The following GSK3B variants were observed in gnomAD, a reference collection of about 807,000 sequenced individuals.
The protein encoded by GSK3B is glycogen synthase kinase 3 beta, also known as glycogen synthase kinase-3 beta.
GSK3B carries 15 observed loss-of-function variants against 56.4 expected under a neutral mutation model. That is an observed-to-expected ratio of 0.27 (90% confidence interval 0.18 to 0.41). GSK3B has a LOEUF of 0.41. GSK3B is among the 10% of genes least tolerant of loss of function. The pLI, the probability that GSK3B is intolerant of heterozygous loss-of-function variation, is 1.00. For synonymous variants in GSK3B, 181 were observed against 188.9 expected, an observed-to-expected ratio of 0.96 and a Z score of 0.34; for missense variants, 300 against 513.4, an observed-to-expected ratio of 0.58 and a Z score of 4.02.
intron 1 of GSK3B, among the ~76,000 whole-genome samples, chr3:120,003,745 A>G (rs2057699370): frequency 6.6e-6 from 1 of 152,264 alleles, no homozygotes; most frequent in South Asian, 2.1e-4. Flanking sequence ...ACCAATTAAC[A>G]CTTTCATTTG....
At chr3:120,064,364 A>G (rs150466972) in intron 1 of GSK3B, among the ~76,000 whole-genome samples, 1 of 152,122 alleles carries the variant, frequency 6.6e-6, no homozygotes, top group Admixed American at 6.5e-5. Context: ...ATTTTTATAC[A>G]CTAACAATAA....
At chr3:119,854,575 T>C (rs2055990000) in intron 9 of GSK3B, among the ~76,000 whole-genome samples, 1 of 152,236 alleles carries the variant, frequency 6.6e-6, no homozygotes, top group Non-Finnish European at 1.5e-5. Context: ...GGGAGGCTAT[T>C]AATTATTGCC....
At chr3:120,007,917 G>C (rs886665976) in intron 1 of GSK3B, among the ~76,000 whole-genome samples, 1 of 152,154 alleles carries the variant, frequency 6.6e-6, no homozygotes, top group African/African-American at 2.4e-5. Flanking sequence ...GTTCTGGCCA[G>C]GGCAATCAGG....
intron 4 of GSK3B, among the ~76,000 whole-genome samples, chr3:119,922,794 T>A (rs1180668283): frequency 5.3e-5 from 8 of 152,262 alleles, no homozygotes; most frequent in African/African-American, 1.7e-4. Context: ...AATAATTTGT[T>A]ACTAATAACT....
chr3:119,993,341 A>AT (rs1223487108), intron 2 of GSK3B, among the ~76,000 whole-genome samples: 1 of 152,044 alleles, frequency 6.6e-6, no homozygotes, highest in Admixed American at 6.6e-5. Context: ...AACATAAATA[A>AT]TTTTTTTAAT....
In GSK3B at chr3:120,053,196, G is replaced by A. The variant is rs537526534; in HGVS notation, c.88+40151C>T. On this transcript the variant is annotated intron_variant, in intron 1 of 10. Transcript: ENST00000264235. ...TACTAAAAATACAAAAATTAGCCGG[G>A]TGTGTTGGCGGGAGCCTGTAATCCC... Among the ~76,000 whole-genome samples, 14 of 152,280 alleles carry A rather than the reference G, an allele frequency of 9.2e-5. 1 individual carries two copies. In the East Asian group the frequency reaches 2.7e-3, roughly 29 times the overall value.
In GSK3B at chr3:119,822,862, T is replaced by G. The variant is rs920649328; in HGVS notation, c.*3926A>C. 2 of 228,262 alleles carry G rather than the reference T, an allele frequency of 8.8e-6. No homozygotes were observed. The highest frequency in any genetic ancestry group is 4.4e-5 in the African/African-American group (2 of 45,074). The allele number at this position is 228,262 out of a possible 1,614,324, so 14.1% of individuals were successfully genotyped here. On this transcript the variant is annotated 3_prime_UTR_variant, in exon 11 of 11. Coordinates refer to ENST00000264235, the MANE Select transcript of GSK3B (RefSeq NM_001146156.2). ...GATCTGGCATTGGCCAAACTTCCTT[T>G]GGAAGATTCCAAAGTTAAATCCTTT... is the stretch of plus-strand genomic sequence containing the variant.
At chr3:119,936,599 T>C (rs892218991) in intron 3 of GSK3B, among the ~76,000 whole-genome samples, 1 of 151,532 alleles carries the variant, frequency 6.6e-6, no homozygotes, top group African/African-American at 2.4e-5. Flanking sequence ...CCACCTGCCT[T>C]GGCCTCCCAA....
chr3:119,898,894 C>G (rs2056598837), intron 7 of GSK3B, among the ~76,000 whole-genome samples: 1 of 152,140 alleles, frequency 6.6e-6, no homozygotes, highest in Non-Finnish European at 1.5e-5. Context: ...AATGTAGTCT[C>G]TCTCTCAAAA....
Position 119,824,037 on chromosome 3 carries a change from T to C in GSK3B, c.*2751A>G, listed in dbSNP as rs541984133. ...CCTACTGTACAGAGTTAAAACTATATGGCTTTAAAAAGCTCGTCTACATTT... is the reference window on the plus strand; with the variant it reads ...CCTACTGTACAGAGTTAAAACTATACGGCTTTAAAAAGCTCGTCTACATTT... On this transcript the variant is annotated 3_prime_UTR_variant, in exon 11 of 11. Coordinates refer to ENST00000264235, the MANE Select transcript of GSK3B (RefSeq NM_001146156.2). 2 of 203,744 alleles carry C rather than the reference T, an allele frequency of 9.8e-6. No homozygotes were observed. Among genetic ancestry groups the C allele is most frequent in the South Asian group, 3.8e-4 (2 of 5,252 alleles). 12.6% of individuals were successfully genotyped at this position (203,744 alleles called of 1,614,324 possible).
chr3:120,081,975 T>C (rs78106885), intron 1 of GSK3B, among the ~76,000 whole-genome samples: 3,940 of 152,216 alleles, frequency 0.026, 174 homozygotes, highest in African/African-American at 0.089. Context: ...GGGGAAATAA[T>C]ATATGACAAA....
chr3:120,073,813 T>C (rs1334509831), intron 1 of GSK3B, among the ~76,000 whole-genome samples: 1 of 152,142 alleles, frequency 6.6e-6, no homozygotes, highest in Non-Finnish European at 1.5e-5. Flanking sequence ...CTTAGAAGAC[T>C]GTGATGAAAA....
Position 119,901,555 on chromosome 3 carries a change from T to C in GSK3B, c.813+4200A>G, listed in dbSNP as rs564515553. ...ATTAAAAATGTTAGCTAGAATGAGA[T>C]ACAGTTCGTTTAATTAAACTGTTTT... is the stretch of plus-strand genomic sequence containing the variant. On this transcript the variant is annotated intron_variant, in intron 7 of 10. Coordinates refer to ENST00000264235, the MANE Select transcript of GSK3B (RefSeq NM_001146156.2). 6.6e-5 allele frequency among the ~76,000 whole-genome samples: 10 copies of C among 152,328 alleles called. No homozygotes were observed. In the East Asian group the frequency reaches 1.7e-3, roughly 26 times the overall value.
At chr3:120,021,429 T>A (rs2057876696) in intron 1 of GSK3B, among the ~76,000 whole-genome samples, 1 of 150,572 alleles carries the variant, frequency 6.6e-6, no homozygotes, top group African/African-American at 2.5e-5. Flanking sequence ...GGCAGGAGAA[T>A]CACTTGAACT....
At position 119,965,272 on chromosome 3, in the gene GSK3B, C is replaced by T. The variant is rs554751728; in HGVS notation, c.283-17921G>A. On this transcript the variant is annotated intron_variant, in intron 2 of 10. Coordinates refer to ENST00000264235, the MANE Select transcript of GSK3B (RefSeq NM_001146156.2). ...AGAGACGGGGTTTCACCATGTTGGC[C>T]AGGCTGGTCTTGAACTCCTGACCTC... Among the ~76,000 whole-genome samples the T allele has an allele frequency of 6.6e-5, 10 of 150,836 alleles. 1 individual carries two copies. The South Asian group carries it at 2.1e-3, about 32-fold the overall frequency.
chr3:119,889,295 G>A (rs111703820), intron 7 of GSK3B, among the ~76,000 whole-genome samples: 13,889 of 152,096 alleles, frequency 0.091, 783 homozygotes, highest in Non-Finnish European at 0.12. Context: ...TCAGCCAGCC[G>A]ACACTCATGG....
chr3:120,084,101 T>C (rs544758496), intron 1 of GSK3B, among the ~76,000 whole-genome samples: 34 of 152,172 alleles, frequency 2.2e-4, no homozygotes, highest in Non-Finnish European at 4.4e-4. Context: ...AAAAAATGAA[T>C]GTTACGGTAT....
At chr3:119,964,227 C>G (rs1429857659) in intron 2 of GSK3B, among the ~76,000 whole-genome samples, 1 of 152,154 alleles carries the variant, frequency 6.6e-6, no homozygotes, top group Non-Finnish European at 1.5e-5. Flanking sequence ...ATACGACCAA[C>G]AGGCATATGC....
At chr3:119,892,251 A>C (rs1326585290) in intron 7 of GSK3B, among the ~76,000 whole-genome samples, 1 of 152,138 alleles carries the variant, frequency 6.6e-6, no homozygotes, top group African/African-American at 2.4e-5. Context: ...CTTACAAGCT[A>C]ATGTGATCTG....
Sources: allele counts gnomAD v4.1 joint callset (sites outside exome capture counted in the v4.1 genomes callset), GRCh38; gene constraint gnomAD v4.1.1; transcripts MANE v1.5; gene names NCBI Gene and HGNC (gene_info 2026-07-23, HGNC 2026-07-21).